The following ARHGAP15 variants were observed in gnomAD, a reference collection of about 807,000 sequenced individuals.
The protein encoded by ARHGAP15 is rho GTPase-activating protein 15.
In ARHGAP15, 51 loss-of-function variants were observed where a neutral mutation model predicts 63.7. The observed-to-expected ratio is 0.80, with a 90% CI of 0.64 to 1.01. The LOEUF (loss-of-function observed/expected upper bound fraction) is 1.01, where lower values mean the gene tolerates loss of function less well. Among genes scored for constraint, ARHGAP15 ranks in the 50% least tolerant of loss-of-function variants. ARHGAP15 has a pLI of 0.00. For synonymous variants in ARHGAP15, 191 were observed against 193.8 expected, an observed-to-expected ratio of 0.99 and a Z score of 0.12; for missense variants, 560 against 564.6, an observed-to-expected ratio of 0.99 and a Z score of 0.08.
Position 143,435,662 on chromosome 2 carries a change from A to T in ARHGAP15, c.536A>T (p.Asp179Val), listed in dbSNP as rs779445595. The change falls in exon 7 of 14, where the codon GAT (aspartate) becomes GTT (valine). Residue 179 changes from aspartate to valine, a missense_variant. Physicochemically the swap from Asp to Val is radical, Grantham distance 152. Coordinates refer to ENST00000295095, the MANE Select transcript of ARHGAP15 (RefSeq NM_018460.4). ...TCAGATATTGACTTCATCATATTGG[A>T]TTGGTTCCACGCTATCAAAAATGCA... ...LQSDIDFIIL[D>V]WFHAIKNAID... 6.2e-7 allele frequency: 1 copy of T among 1,604,784 alleles called. No homozygotes were observed. The highest frequency in any genetic ancestry group is 1.1e-5 in the South Asian group (1 of 90,302).
chr2:143,416,970 G>T (rs192694114), intron 6 of ARHGAP15, among the ~76,000 whole-genome samples: 182 of 152,128 alleles, frequency 1.2e-3, no homozygotes, highest in Middle Eastern at 3.4e-3. Context: ...GCTTTTCAGG[G>T]ATTCTGGCAG....
At chr2:143,759,640 G>T (rs1234302588) in intron 13 of ARHGAP15, among the ~76,000 whole-genome samples, 1 of 152,092 alleles carries the variant, frequency 6.6e-6, no homozygotes, top group Non-Finnish European at 1.5e-5. Flanking sequence ...CCTCCAGCCA[G>T]ACTATGCTCT....
At chr2:143,647,727 G>A (rs113073474) in intron 12 of ARHGAP15, among the ~76,000 whole-genome samples, 1,646 of 151,990 alleles carry the variant, frequency 0.011, 18 homozygotes, top group Non-Finnish European at 0.018. Flanking sequence ...ACAAACATAC[G>A]TCGCTTTATA....
chr2:143,174,231 G>A (rs545823949), intron 2 of ARHGAP15, among the ~76,000 whole-genome samples: 4 of 152,148 alleles, frequency 2.6e-5, no homozygotes, highest in East Asian at 1.9e-4. Context: ...TAACTGAAAC[G>A]TTATCTCTCA....
intron 11 of ARHGAP15, among the ~76,000 whole-genome samples, chr2:143,578,964 C>A (rs1696784580): frequency 6.6e-6 from 1 of 151,996 alleles, no homozygotes; most frequent in Non-Finnish European, 1.5e-5. Flanking sequence ...CTACAAAGTT[C>A]TTATTTTTTC....
intron 10 of ARHGAP15, among the ~76,000 whole-genome samples, chr2:143,554,006 T>C (rs1695682869): frequency 6.6e-6 from 1 of 152,088 alleles, no homozygotes; most frequent in Admixed American, 6.6e-5. Flanking sequence ...TCCAAATAAT[T>C]TCATTTATAA....
intron 6 of ARHGAP15, among the ~76,000 whole-genome samples, chr2:143,377,475 A>G (rs988630700): frequency 6.6e-6 from 1 of 151,934 alleles, no homozygotes; most frequent in Non-Finnish European, 1.5e-5. Context: ...ATTACATAAG[A>G]GTTACATATT....
chr2:143,768,132 T>C lies in ARHGAP15; in HGVS notation c.1388T>C (p.Leu463Pro). ...VYQNQIAELM[L>P]SEYSKIFGSE... The stretch of plus-strand genomic sequence containing the variant: ...CAGAACCAGATAGCTGAGCTCATGC[T>C]GAGTGAGTACAGTAAGATCTTCGGC... The change falls in exon 14 of 14, where the codon CTG becomes CCG. Residue 463 changes from leucine to proline, a missense_variant. Physicochemically the swap from Leu to Pro is moderately conservative, Grantham distance 98. Coordinates refer to ENST00000295095, the MANE Select transcript of ARHGAP15 (RefSeq NM_018460.4). The C allele has an allele frequency of 1.2e-6, 2 of 1,613,772 alleles. No individual in the cohort carries two copies. The highest frequency in any genetic ancestry group is 1.7e-6 in the Non-Finnish European group (2 of 1,179,734).
intron 13 of ARHGAP15, among the ~76,000 whole-genome samples, chr2:143,767,775 A>G (rs953192009): frequency 6.6e-6 from 1 of 152,164 alleles, no homozygotes; most frequent in Non-Finnish European, 1.5e-5. Flanking sequence ...ATGCTCAGCT[A>G]TTATGGGGGT....
chr2:143,507,362 A>C lies in ARHGAP15; in HGVS notation c.827-11904A>C, dbSNP rs78213368. Among the ~76,000 whole-genome samples, 968 of 152,302 alleles carry C rather than the reference A, an allele frequency of 6.4e-3. 14 individuals are homozygous for C. Among genetic ancestry groups the C allele is most frequent in the African/African-American group, 0.022 (932 of 41,556 alleles). On this transcript the variant is annotated intron_variant, in intron 9 of 13. Coordinates refer to ENST00000295095, the MANE Select transcript of ARHGAP15 (RefSeq NM_018460.4). ...GAAAGAAATAAGGAAATGAAGCTGG[A>C]CATGAAATCTTGCAGTGGTTTTAGA...
At chr2:143,148,949 T>C (rs1188345325) in intron 1 of ARHGAP15, among the ~76,000 whole-genome samples, 1 of 152,016 alleles carries the variant, frequency 6.6e-6, no homozygotes, top group African/African-American at 2.4e-5. Context: ...ACAATTGCAA[T>C]GCGAGTTAAT....
intron 8 of ARHGAP15, 128 bp from the exon 9 acceptor site, chr2:143,487,245 G>A: frequency 9.0e-7 from 1 of 1,110,676 alleles, no homozygotes; most frequent in South Asian, 1.7e-5. Context: ...GCTTGTTGTA[G>A]ACAGAAGAGC....
intron 8 of ARHGAP15, among the ~76,000 whole-genome samples, chr2:143,468,633 TGAGAGAGAGAGA>T (rs60106286): frequency 2.8e-4 from 38 of 135,254 alleles, no homozygotes; most frequent in East Asian, 6.6e-4. Flanking sequence ...GGTTTCTTTG[TGAGAGAGAGAGA>T]GAGAGAGAGA....
chr2:143,658,431 A>T (rs1405503416), intron 12 of ARHGAP15, among the ~76,000 whole-genome samples: 1 of 152,216 alleles, frequency 6.6e-6, no homozygotes, highest in Non-Finnish European at 1.5e-5. Context: ...CCTGTAAACT[A>T]CTGAGAGACT....
intron 9 of ARHGAP15, among the ~76,000 whole-genome samples, chr2:143,510,026 A>AAAAAAAAAAT (rs1693510641): frequency 6.8e-6 from 1 of 146,096 alleles, no homozygotes; most frequent in Non-Finnish European, 1.5e-5. Flanking sequence ...CTTAAAAAAA[A>AAAAAAAAAAT]AAAAAAAAAA....
intron 13 of ARHGAP15, among the ~76,000 whole-genome samples, chr2:143,754,327 C>G (rs888622819): frequency 3.9e-5 from 6 of 152,150 alleles, no homozygotes; most frequent in Non-Finnish European, 8.8e-5. Context: ...TTATATTCTG[C>G]TGGAGAAAGA....
intron 2 of ARHGAP15, among the ~76,000 whole-genome samples, chr2:143,171,219 G>A (rs1195317566): frequency 6.6e-6 from 1 of 152,178 alleles, no homozygotes; most frequent in African/African-American, 2.4e-5. Flanking sequence ...CATTGAGGCT[G>A]AAATTGGCAG....
At chr2:143,410,985 C>T (rs1688417918) in intron 6 of ARHGAP15, among the ~76,000 whole-genome samples, 1 of 152,066 alleles carries the variant, frequency 6.6e-6, no homozygotes, top group Non-Finnish European at 1.5e-5. Flanking sequence ...AGACGGATCA[C>T]CTGAGGTCAG....
chr2:143,522,330 A>G (rs954498847), intron 10 of ARHGAP15, among the ~76,000 whole-genome samples: 23 of 152,258 alleles, frequency 1.5e-4, no homozygotes, highest in African/African-American at 4.1e-4. Context: ...TTGGAAGACA[A>G]ACTGTTAAGG....
Sources: gnomAD v4.1 joint callset for allele counts (sites outside exome capture counted in the v4.1 genomes callset) on GRCh38, gnomAD v4.1.1 for gene constraint, MANE v1.5 for transcripts, NCBI Gene and HGNC (gene_info 2026-07-23, HGNC 2026-07-21) for gene names.